BBOF1: variants seen among roughly 807,000 people sequenced by gnomAD.
The protein encoded by BBOF1 is basal body-orientation factor 1.
In BBOF1, 62 loss-of-function variants were observed where a neutral mutation model predicts 68.0. That is an observed-to-expected ratio of 0.91 (90% confidence interval 0.74 to 1.13). BBOF1 has a LOEUF of 1.13. BBOF1 is among the 50% of genes most tolerant of loss of function. The pLI is 0.00. For missense variants in BBOF1, 534 were observed against 600.1 expected (o/e 0.89, Z 1.15); for synonymous variants, 208 against 198.8 (o/e 1.05, Z -0.39).
chr14:74,024,870 T>A (rs960550252), intron 2 of BBOF1, among the ~76,000 whole-genome samples: 1 of 152,208 alleles, frequency 6.6e-6, no homozygotes, highest in Non-Finnish European at 1.5e-5. Context: ...CCCAAAGTGC[T>A]GACATTACAG....
At chr14:74,028,304 G>T (rs2059479965) in intron 2 of BBOF1, among the ~76,000 whole-genome samples, 1 of 152,074 alleles carries the variant, frequency 6.6e-6, no homozygotes. Flanking sequence ...AGGAGGCATA[G>T]GTTGCTGTGA....
At chr14:74,077,390 A>G (rs2060623906) in intron 9 of BBOF1, among the ~76,000 whole-genome samples, 3 of 152,108 alleles carry the variant, frequency 2.0e-5, no homozygotes, top group Admixed American at 2.0e-4. Context: ...AATACCTGAG[A>G]CTGGGCAATT....
chr14:74,047,197 A>G (rs1329981600), intron 6 of BBOF1, among the ~76,000 whole-genome samples: 1 of 152,118 alleles, frequency 6.6e-6, no homozygotes, highest in African/African-American at 2.4e-5. Context: ...TCTAACTCTC[A>G]GGTCTTAATG....
rs1352731764 is a variant in BBOF1, at chr14:74,046,131, G to T, written c.647+1G>T. 3 of 1,601,716 alleles carry T rather than the reference G, an allele frequency of 1.9e-6. No individual in the cohort carries two copies. Among genetic ancestry groups the T allele is most frequent in the Non-Finnish European group, 2.6e-6 (3 of 1,174,128 alleles). On this transcript the variant is annotated splice_donor_variant, in intron 6 of 11. Coordinates refer to ENST00000394009, the MANE Select transcript of BBOF1 (RefSeq NM_025057.3). LOFTEE classifies it high-confidence loss of function. ...AGAGAGCCCACCATGAGGCTATTGT[G>T]TAAGAGACTGCTGCCTACTTTCTGA... is the stretch of plus-strand genomic sequence containing the variant.
intron 5 of BBOF1, among the ~76,000 whole-genome samples, chr14:74,044,491 T>TTA (rs10692659): frequency 6.7e-6 from 1 of 148,310 alleles, no homozygotes; most frequent in African/African-American, 2.5e-5. Context: ...TTTTTTTTTT[T>TTA]AAACAGAGTC....
intron 6 of BBOF1, among the ~76,000 whole-genome samples, chr14:74,047,601 C>G (rs1013109007): frequency 3.3e-5 from 5 of 151,944 alleles, no homozygotes; most frequent in Non-Finnish European, 5.9e-5. Context: ...CCACGTCTGG[C>G]TAATTTTTTA....
chr14:74,071,321 A>G (rs1338696570), intron 9 of BBOF1: 2 of 1,614,202 alleles, frequency 1.2e-6, no homozygotes, highest in Admixed American at 3.3e-5. Context: ...GTATTTCCAC[A>G]CACCATGGCC....
chr14:74,044,115 G>T (rs895748555), intron 5 of BBOF1, among the ~76,000 whole-genome samples: 2 of 151,782 alleles, frequency 1.3e-5, no homozygotes, highest in African/African-American at 4.8e-5. Flanking sequence ...GCATGGTGGT[G>T]CACACCTGTA....
In BBOF1 at chr14:74,022,886, A is replaced by C. The variant is rs768188516; in HGVS notation, c.57-30A>C. ...GCATATTAGAGTTGTATAAATAGTC[A>C]TATACTGTCAATATCCTCTTCCCAT... On this transcript the variant is annotated intron_variant, in intron 1 of 11. Transcript: ENST00000394009. The C allele has an allele frequency of 6.3e-6, 8 of 1,269,900 alleles. No homozygotes were observed. In the South Asian group the frequency reaches 8.9e-5, roughly 14 times the overall value. 78.7% of individuals were successfully genotyped at this position (1,269,900 alleles called of 1,614,324 possible).
chr14:74,077,455 G>C (rs1454987356), intron 9 of BBOF1, among the ~76,000 whole-genome samples: 1 of 152,062 alleles, frequency 6.6e-6, no homozygotes, highest in East Asian at 1.9e-4. Context: ...GAAGTTCAAG[G>C]GAATGGCTCT....
intron 10 of BBOF1, among the ~76,000 whole-genome samples, chr14:74,080,518 C>A (rs139136596): frequency 6.6e-6 from 1 of 152,050 alleles, no homozygotes; most frequent in Non-Finnish European, 1.5e-5. Flanking sequence ...CAGGTGCACA[C>A]GACCTCGCTC....
intron 3 of BBOF1, among the ~76,000 whole-genome samples, chr14:74,030,947 G>C (rs1431718679): frequency 1.3e-5 from 2 of 150,802 alleles, no homozygotes; most frequent in Non-Finnish European, 3.0e-5. Flanking sequence ...TATAGAGAGA[G>C]AGAGATTATA....
chr14:74,036,973 CTTTT>C (rs548819182), intron 4 of BBOF1, among the ~76,000 whole-genome samples: 1 of 104,374 alleles, frequency 9.6e-6, no homozygotes, highest in African/African-American at 4.0e-5. Context: ...TTTCTTTTTT[CTTTT>C]TTTTTTTTTT....
chr14:74,027,350 G>C (rs1036681603), intron 2 of BBOF1, among the ~76,000 whole-genome samples: 2 of 137,784 alleles, frequency 1.5e-5, no homozygotes, highest in African/African-American at 2.7e-5. Context: ...GCTTCCCAAA[G>C]TGTTGGGATT....
downstream of BBOF1, among the ~76,000 whole-genome samples, chr14:74,070,392 G>A (rs889369091): frequency 6.6e-6 from 1 of 152,060 alleles, no homozygotes; most frequent in African/African-American, 2.4e-5. Flanking sequence ...GGTGGCGCAT[G>A]CCTGTAATCC....
chr14:74,033,878 T>A (rs555284989), intron 3 of BBOF1, 150 bp from the exon 4 acceptor site: 4 of 346,600 alleles, frequency 1.2e-5, no homozygotes, highest in Non-Finnish European at 1.9e-5. Context: ...AATAAATAAA[T>A]AAAATAAATA....
chr14:74,025,108 A>G (rs1344099637), intron 2 of BBOF1, among the ~76,000 whole-genome samples: 2 of 152,170 alleles, frequency 1.3e-5, no homozygotes, highest in African/African-American at 4.8e-5. Flanking sequence ...AGTAGGTATT[A>G]TTAAATTGCC....
chr14:74,057,404 A>G, intron 11 of BBOF1, 146 bp downstream of exon 11: 1 of 1,530,638 alleles, frequency 6.5e-7, no homozygotes, highest in East Asian at 2.5e-5. Flanking sequence ...AGTAGATTAC[A>G]TAAATTTTTA....
chr14:74,047,801 C>A, intron 6 of BBOF1, 129 bp from the exon 7 acceptor site: 1 of 741,592 alleles, frequency 1.3e-6, no homozygotes, highest in Non-Finnish European at 2.1e-6. Context: ...ACTGAGTACC[C>A]ACCATAAGCT....
Sources: allele counts gnomAD v4.1 joint callset (sites outside exome capture counted in the v4.1 genomes callset), GRCh38; gene constraint gnomAD v4.1.1; transcripts MANE v1.5; gene names NCBI Gene and HGNC (gene_info 2026-07-23, HGNC 2026-07-21).